The following SPECC1 variants were observed in gnomAD, a reference collection of about 807,000 sequenced individuals.
The protein encoded by SPECC1 is sperm antigen with calponin homology and coiled-coil domains 1, also known as cytospin-B.
Under a neutral mutation model 104.1 loss-of-function variants are expected in SPECC1, and 62 were observed. The ratio of observed to expected loss-of-function variants is 0.60; its 90% CI spans 0.49 to 0.74. The LOEUF (loss-of-function observed/expected upper bound fraction) is 0.74, where lower values mean the gene tolerates loss of function less well. Ranked by LOEUF, SPECC1 falls within the 30% of genes least tolerant of loss-of-function variation. The probability of loss-of-function intolerance (pLI) is 0.00; values close to 1 mark genes in which losing one functional copy is unlikely to be tolerated. For synonymous variants in SPECC1, 513 were observed against 501.6 expected (o/e 1.02, Z -0.30); for missense variants, 1,306 against 1,310.5 (o/e 1.00, Z 0.05).
intron 12 of SPECC1, among the ~76,000 whole-genome samples, chr17:20,269,797 C>A (rs2040338777): frequency 6.6e-6 from 1 of 152,196 alleles, no homozygotes; most frequent in East Asian, 1.9e-4. Flanking sequence ...TGCCCTGTGC[C>A]TTTTCCCTTT....
intron 14 of SPECC1, among the ~76,000 whole-genome samples, chr17:20,310,554 C>T (rs762781398): frequency 6.6e-6 from 1 of 152,196 alleles, no homozygotes; most frequent in East Asian, 1.9e-4. Context: ...ATGCAAGCAA[C>T]TCCCCAGAAA....
Position 20,227,631 on chromosome 17 carries a change from T to A in SPECC1, c.2071+11T>A, listed in dbSNP as rs2038306530. ...TCAGTGAGCTAGAAAGTAAGTGGGG[T>A]CTGCCAGGCATGGTGGCTCACACCT... On this transcript the variant is annotated intron_variant, in intron 5 of 14. Transcript: ENST00000395527. 1 of 1,610,280 alleles carries A rather than the reference T, an allele frequency of 6.2e-7. No homozygotes were observed.
At chr17:20,250,405 T>C (rs1287903433) in intron 9 of SPECC1, among the ~76,000 whole-genome samples, 1 of 152,200 alleles carries the variant, frequency 6.6e-6, no homozygotes, top group Non-Finnish European at 1.5e-5. Context: ...ATTACCTGTA[T>C]CAGGAATTTG....
At chr17:20,109,033 C>T (rs7215097) in intron 2 of SPECC1, among the ~76,000 whole-genome samples, 37,466 of 152,162 alleles carry the variant, frequency 0.25, 5,828 homozygotes, top group African/African-American at 0.45. Context: ...CTTCCACTCA[C>T]AGGGCATGAG....
At chr17:20,100,252 A>G (rs565432563) in intron 2 of SPECC1, among the ~76,000 whole-genome samples, 1 of 152,276 alleles carries the variant, frequency 6.6e-6, no homozygotes, top group South Asian at 2.1e-4. Flanking sequence ...AAAGAAATGT[A>G]GCCCGCCTGA....
chr17:20,078,053 T>A (rs188115595), intron 1 of SPECC1, among the ~76,000 whole-genome samples: 1 of 151,918 alleles, frequency 6.6e-6, no homozygotes, highest in East Asian at 2.0e-4. Flanking sequence ...TATAGATGAC[T>A]CTATATACAT....
intron 3 of SPECC1, among the ~76,000 whole-genome samples, chr17:20,113,824 A>G (rs1371556470): frequency 2.0e-5 from 3 of 152,238 alleles, no homozygotes; most frequent in South Asian, 2.1e-4. Context: ...TTCTCATACA[A>G]TCAGCACAAG....
intron 3 of SPECC1, among the ~76,000 whole-genome samples, chr17:20,125,311 T>C (rs1055362620): frequency 6.6e-6 from 1 of 152,236 alleles, no homozygotes; most frequent in Non-Finnish European, 1.5e-5. Flanking sequence ...ATGCGCGTCA[T>C]GTTTGCATCA....
chr17:20,085,425 C>G (rs900285207), intron 1 of SPECC1, among the ~76,000 whole-genome samples: 1 of 152,228 alleles, frequency 6.6e-6, no homozygotes, highest in Admixed American at 6.5e-5. Context: ...ACAGCAGTTG[C>G]TGTACTTGCT....
chr17:20,194,865 CACA>C (rs1202307412), intron 3 of SPECC1, among the ~76,000 whole-genome samples: 1 of 152,042 alleles, frequency 6.6e-6, no homozygotes, highest in Non-Finnish European at 1.5e-5. Flanking sequence ...TAAGAATACT[CACA>C]ACTAGTTGCC....
chr17:20,011,325 A>G (rs1003590975), intron 1 of SPECC1, among the ~76,000 whole-genome samples: 27 of 151,724 alleles, frequency 1.8e-4, no homozygotes, highest in Non-Finnish European at 2.9e-5. Context: ...TATTTTTCTC[A>G]GTTTTTCTGT....
At chr17:20,141,822 G>A (rs150405404) in intron 3 of SPECC1, among the ~76,000 whole-genome samples, 5 of 152,158 alleles carry the variant, frequency 3.3e-5, no homozygotes, top group African/African-American at 1.2e-4. Flanking sequence ...GGACTAATGT[G>A]TGTGCTATTT....
chr17:20,056,915 C>G (rs1374411935), intron 1 of SPECC1, among the ~76,000 whole-genome samples: 1 of 152,138 alleles, frequency 6.6e-6, no homozygotes, highest in Non-Finnish European at 1.5e-5. Flanking sequence ...TAGCCCAGGA[C>G]AAATTTCCAG....
intron 3 of SPECC1, among the ~76,000 whole-genome samples, chr17:20,130,123 T>G (rs543469449): frequency 1.4e-3 from 217 of 152,362 alleles, no homozygotes; most frequent in Non-Finnish European, 2.7e-3. Flanking sequence ...ACATTTACAT[T>G]TAAGTGTGTT....
At chr17:20,192,070 G>A (rs908157250) in intron 3 of SPECC1, among the ~76,000 whole-genome samples, 1 of 151,992 alleles carries the variant, frequency 6.6e-6, no homozygotes, top group Non-Finnish European at 1.5e-5. Flanking sequence ...CTGAGTAGCT[G>A]GGACTACAAG....
chr17:20,245,689 A>G (rs1461630009), intron 7 of SPECC1, among the ~76,000 whole-genome samples: 5 of 152,218 alleles, frequency 3.3e-5, no homozygotes, highest in African/African-American at 9.6e-5. Context: ...GTCACTCTAC[A>G]TATAAAAATA....
At position 20,195,299 on chromosome 17, in the gene SPECC1, C is replaced by G. The variant is rs1469784663; in HGVS notation, c.284-9034C>G. On this transcript the variant is annotated intron_variant, in intron 3 of 14. Coordinates refer to ENST00000395527, the MANE Select transcript of SPECC1 (RefSeq NM_001243439.2). ...AGCTTTAGGACAGCCACTATTAAAG[C>G]CACATTTGATAAGGAAATTTTGTTA... 2.0e-5 allele frequency among the ~76,000 whole-genome samples: 3 copies of G among 152,102 alleles called. No homozygotes were observed. In the South Asian group the frequency reaches 6.2e-4, roughly 31 times the overall value.
intron 3 of SPECC1, among the ~76,000 whole-genome samples, chr17:20,193,478 C>G (rs1048245517): frequency 3.9e-5 from 6 of 152,166 alleles, no homozygotes; most frequent in Admixed American, 3.3e-4. Context: ...GATGAAGATT[C>G]ATCTTCTATA....
intron 1 of SPECC1, among the ~76,000 whole-genome samples, chr17:20,024,687 C>G (rs1325026790): frequency 1.3e-5 from 2 of 152,090 alleles, no homozygotes; most frequent in African/African-American, 4.8e-5. Flanking sequence ...AGGGTTTTTC[C>G]CCCTTGTTTT....
Sources: allele counts gnomAD v4.1 joint callset (sites outside exome capture counted in the v4.1 genomes callset), GRCh38; gene constraint gnomAD v4.1.1; transcripts MANE v1.5; gene names NCBI Gene and HGNC (gene_info 2026-07-23, HGNC 2026-07-21).